Variants in DEPDC1B observed in about 807,000 individuals in gnomAD.
The protein encoded by DEPDC1B is DEP domain containing 1B, also known as DEP domain-containing protein 1B.
In DEPDC1B, 51 loss-of-function variants were observed where a neutral mutation model predicts 66.5. The ratio of observed to expected loss-of-function variants is 0.77; its 90% confidence interval spans 0.61 to 0.97. DEPDC1B has a LOEUF of 0.97. DEPDC1B is among the 50% of genes least tolerant of loss of function. The pLI, the probability that DEPDC1B is intolerant of heterozygous loss-of-function variation, is 0.00. For missense variants in DEPDC1B, 552 were observed against 637.1 expected, an observed-to-expected ratio of 0.87 and a Z score of 1.44; for synonymous variants, 226 against 223.6, an observed-to-expected ratio of 1.01 and a Z score of -0.10.
chr5:60,638,937 C>T (rs1336536653), intron 6 of DEPDC1B, 47 bp from the exon 7 acceptor site: 1 of 1,589,172 alleles, frequency 6.3e-7, no homozygotes, highest in Non-Finnish European at 8.6e-7. Context: ...GGAGTAATTA[C>T]CTCTAAGTAT....
Position 60,629,710 on chromosome 5 carries a change from T to G in DEPDC1B, c.898+9040A>C, listed in dbSNP as rs138156926. Among the ~76,000 whole-genome samples, 14 of 152,346 alleles carry G rather than the reference T, an allele frequency of 9.2e-5. No individual in the cohort carries two copies. In the East Asian group the frequency reaches 2.7e-3, roughly 29 times the overall value. On this transcript the variant is annotated intron_variant, in intron 7 of 10. Transcript: ENST00000265036. The stretch of plus-strand genomic sequence containing the variant: ...TGCCCAATTTCCATCTGGTTATTTG[T>G]TGTTTTGTGTTGTTGTTTTTCCTAC...
intron 7 of DEPDC1B, among the ~76,000 whole-genome samples, chr5:60,626,198 C>A (rs942373999): frequency 2.0e-5 from 3 of 152,102 alleles, no homozygotes; most frequent in African/African-American, 7.2e-5. Context: ...AAAATGGAAT[C>A]TTTTACTTAG....
intron 2 of DEPDC1B, among the ~76,000 whole-genome samples, chr5:60,677,058 C>T (rs1181707208): frequency 6.6e-6 from 1 of 152,070 alleles, no homozygotes; most frequent in African/African-American, 2.4e-5. Context: ...TGCATATGCC[C>T]TTTTGCACTT....
At chr5:60,610,025 C>T (rs1387336299) in intron 7 of DEPDC1B, among the ~76,000 whole-genome samples, 1 of 152,090 alleles carries the variant, frequency 6.6e-6, no homozygotes, top group Non-Finnish European at 1.5e-5. Context: ...AATGTAAGCT[C>T]CACAGGGTAG....
intron 2 of DEPDC1B, among the ~76,000 whole-genome samples, chr5:60,667,771 T>TTTTACATATATATAAAAAATGGATAA (rs1753895221): frequency 7.3e-6 from 1 of 136,302 alleles, no homozygotes; most frequent in African/African-American, 2.9e-5. Context: ...AAAATGGATA[T>TTTTACATATATATAAAAAATGGATAA]TTTACATATA....
At chr5:60,643,800 T>G (rs1753245370) in intron 5 of DEPDC1B, among the ~76,000 whole-genome samples, 1 of 152,204 alleles carries the variant, frequency 6.6e-6, no homozygotes. Context: ...CAAACTTATT[T>G]GTCTCTCATT....
At chr5:60,625,647 T>C (rs1752794181) in intron 7 of DEPDC1B, among the ~76,000 whole-genome samples, 1 of 152,178 alleles carries the variant, frequency 6.6e-6, no homozygotes, top group African/African-American at 2.4e-5. Flanking sequence ...TAAAAATCAA[T>C]AATAAAATCT....
chr5:60,692,608 G>T (rs1053098239), intron 1 of DEPDC1B, among the ~76,000 whole-genome samples: 1 of 152,122 alleles, frequency 6.6e-6, no homozygotes, highest in Non-Finnish European at 1.5e-5. Context: ...TTGGAAAACA[G>T]ATTGGCAATA....
chr5:60,666,869 A>G (rs1336684272), intron 2 of DEPDC1B, among the ~76,000 whole-genome samples: 2 of 152,206 alleles, frequency 1.3e-5, no homozygotes, highest in African/African-American at 4.8e-5. Context: ...ACAAAGACAC[A>G]TTTGTGAGCA....
At chr5:60,663,628 C>A (rs1753771448) in intron 2 of DEPDC1B, among the ~76,000 whole-genome samples, 1 of 152,200 alleles carries the variant, frequency 6.6e-6, no homozygotes, top group Non-Finnish European at 1.5e-5. Flanking sequence ...GACTGTTTTA[C>A]CCCACAGGGT....
intron 2 of DEPDC1B, among the ~76,000 whole-genome samples, chr5:60,666,829 A>T (rs1037402373): frequency 3.3e-5 from 5 of 152,186 alleles, no homozygotes; most frequent in Non-Finnish European, 7.3e-5. Flanking sequence ...TAGAGAATGA[A>T]ACCTCATGTA....
chr5:60,643,435 C>T (rs1753236869), intron 5 of DEPDC1B, among the ~76,000 whole-genome samples: 1 of 152,188 alleles, frequency 6.6e-6, no homozygotes, highest in Admixed American at 6.5e-5. Flanking sequence ...CCCAGCTGAA[C>T]CATTTGGTAC....
intron 7 of DEPDC1B, among the ~76,000 whole-genome samples, chr5:60,632,348 C>T (rs1028549807): frequency 6.6e-6 from 1 of 152,202 alleles, no homozygotes; most frequent in East Asian, 1.9e-4. Context: ...ATGCCACCAC[C>T]ACAGGCACGC....
chr5:60,644,902 A>T, intron 4 of DEPDC1B, 27 bp from the exon 5 acceptor site: 2 of 1,523,492 alleles, frequency 1.3e-6, no homozygotes, highest in Non-Finnish European at 1.8e-6. Flanking sequence ...TATATTAATT[A>T]GTTCTGTCTT....
chr5:60,700,001 T>A, intron 1 of DEPDC1B, 45 bp downstream of exon 1: 1 of 1,545,356 alleles, frequency 6.5e-7, no homozygotes, highest in South Asian at 1.2e-5. Flanking sequence ...GAGTGGGGGC[T>A]CGCGGCACCG....
intron 7 of DEPDC1B, among the ~76,000 whole-genome samples, chr5:60,608,502 A>C (rs1752354259): frequency 6.7e-6 from 1 of 149,104 alleles, no homozygotes; most frequent in African/African-American, 2.4e-5. Flanking sequence ...TTATATGGCT[A>C]CTAAATGATA....
chr5:60,602,952 C>T (rs528743716), intron 9 of DEPDC1B, among the ~76,000 whole-genome samples: 1 of 152,262 alleles, frequency 6.6e-6, no homozygotes, highest in African/African-American at 2.4e-5. Context: ...GCACTGATTA[C>T]AGAGGCTGAC....
At chr5:60,684,669 A>G (rs1754372537) in intron 2 of DEPDC1B, among the ~76,000 whole-genome samples, 1 of 152,212 alleles carries the variant, frequency 6.6e-6, no homozygotes, top group African/African-American at 2.4e-5. Flanking sequence ...TGTTTCAAGG[A>G]CACTGATCTA....
rs776172393 is a variant in DEPDC1B, at chr5:60,677,079, G to A, written c.314+9883C>T. Among the ~76,000 whole-genome samples the A allele has an allele frequency of 8.6e-5, 13 of 151,884 alleles. No homozygotes were observed. The South Asian group carries it at 1.2e-3, about 15-fold the overall frequency. On this transcript the variant is annotated intron_variant, in intron 2 of 10. Transcript: ENST00000265036. ...TGCCCTTTTGCACTTTGTAAATTTCGAACCACATAAATGTATTATCTTCAC... is the reference window on the plus strand; with the variant it reads ...TGCCCTTTTGCACTTTGTAAATTTCAAACCACATAAATGTATTATCTTCAC...
Sources: allele counts gnomAD v4.1 joint callset (sites outside exome capture counted in the v4.1 genomes callset), GRCh38; gene constraint gnomAD v4.1.1; transcripts MANE v1.5; gene names NCBI Gene and HGNC (gene_info 2026-07-23, HGNC 2026-07-21).